The following BIRC6 variants were observed in gnomAD, a reference collection of about 807,000 sequenced individuals.
The protein encoded by BIRC6 is baculoviral IAP repeat containing 6, also known as dual E2 ubiquitin-conjugating enzyme/E3 ubiquitin-protein ligase BIRC6.
A neutral mutation model predicts 503.3 loss-of-function variants in BIRC6; 98 were observed. The ratio of observed to expected loss-of-function variants is 0.19; its 90% CI spans 0.17 to 0.23. The LOEUF is 0.23. BIRC6 is among the 10% of genes least tolerant of loss of function. The pLI is 1.00. For missense variants in BIRC6, 5,360 were observed against 5,806.0 expected (o/e 0.92, Z 2.50); for synonymous variants, 2,240 against 2,078.7 (o/e 1.08, Z -2.11).
At chr2:32,468,290 G>T in intron 28 of BIRC6, 147 bp from the exon 29 acceptor site, 1 of 922,718 alleles carries the variant, frequency 1.1e-6, no homozygotes, top group Non-Finnish European at 1.6e-6. Flanking sequence ...TTAATTAATG[G>T]GCTCCATTTA....
At chr2:32,522,693 T>C (rs535384267) in intron 57 of BIRC6, 1 of 152,326 alleles carries the variant, frequency 6.6e-6, no homozygotes, top group African/African-American at 2.4e-5. Context: ...AGGAATTCAC[T>C]AGATGTCTAA....
At chr2:32,485,539 C>G (rs2149260032) in intron 39 of BIRC6, 104 bp from the exon 40 acceptor site, 3 of 707,896 alleles carry the variant, frequency 4.2e-6, no homozygotes, top group Non-Finnish European at 7.2e-6. Context: ...TAAGAACACA[C>G]TCTTCATCCT....
In BIRC6 at chr2:32,509,874, A is replaced by G; in HGVS notation, c.10117A>G (p.Met3373Val). 1.3e-5 allele frequency: 21 copies of G among 1,614,008 alleles called. No individual in the cohort carries two copies. The highest frequency in any genetic ancestry group is 1.8e-5 in the Non-Finnish European group (21 of 1,179,890). ...AALLMSPYCGMHSPNIEVVLV... is the reference protein window; with the variant it reads ...AALLMSPYCGVHSPNIEVVLV... ...CTTATTGATGTCACCTTACTGTGGA[A>G]TGCATTCACCCAACATCGAGGTTGT... Residue 3373 changes from methionine to valine, a missense_variant, in exon 52 of 74, where the codon ATG (methionine) becomes GTG (valine). By Grantham distance (21) the Met-to-Val change is conservative (BLOSUM62 1). Coordinates refer to ENST00000421745, the MANE Select transcript of BIRC6 (RefSeq NM_016252.4).
chr2:32,409,224 A>G (rs1328183709), intron 9 of BIRC6, among the ~76,000 whole-genome samples: 2 of 151,924 alleles, frequency 1.3e-5, no homozygotes, highest in African/African-American at 4.8e-5. Flanking sequence ...AGTGGCACGG[A>G]TCTTGGCTCA....
chr2:32,469,206 G>C (rs1048045747), intron 29 of BIRC6, among the ~76,000 whole-genome samples, 189 bp from the exon 30 acceptor site: 1 of 152,152 alleles, frequency 6.6e-6, no homozygotes, highest in African/African-American at 2.4e-5. Flanking sequence ...ATTTACTTAA[G>C]TGCTAAATAT....
intron 16 of BIRC6, 44 bp from the exon 17 acceptor site, chr2:32,441,280 TTTTAG>T (rs747959428): frequency 5.4e-6 from 7 of 1,293,966 alleles, no homozygotes; most frequent in African/African-American, 3.0e-5. Context: ...GGTAAATGAT[TTTTAG>T]TTTAGTTTAT....
At chr2:32,571,630 A>T in intron 65 of BIRC6, among the ~76,000 whole-genome samples, 1 of 150,070 alleles carries the variant, frequency 6.7e-6, no homozygotes. Flanking sequence ...GTTTATTTGG[A>T]TCTTCTCTCT....
At chr2:32,471,695 C>A (rs755071277) in intron 32 of BIRC6, among the ~76,000 whole-genome samples, 10 of 151,856 alleles carry the variant, frequency 6.6e-5, no homozygotes, top group Non-Finnish European at 1.0e-4. Flanking sequence ...TTTATTTTTC[C>A]TCAGAGATTC....
chr2:32,371,284 G>C (rs2035906839), intron 1 of BIRC6, among the ~76,000 whole-genome samples: 1 of 149,772 alleles, frequency 6.7e-6, no homozygotes, highest in Non-Finnish European at 1.5e-5. Context: ...TAGGATGTTA[G>C]ACAGACTAAG....
intron 26 of BIRC6, 64 bp downstream of exon 26, chr2:32,465,228 G>C: frequency 1.6e-6 from 1 of 626,318 alleles, no homozygotes. Flanking sequence ...GCCTTTTAAA[G>C]ACTCATTATT....
intron 61 of BIRC6, among the ~76,000 whole-genome samples, chr2:32,540,172 C>A (rs2057546405): frequency 6.6e-6 from 1 of 152,058 alleles, no homozygotes. Context: ...TTTTAAGTAC[C>A]ATGGTTATGA....
chr2:32,553,335 A>T (rs1358543802), intron 65 of BIRC6, among the ~76,000 whole-genome samples: 1 of 147,400 alleles, frequency 6.8e-6, no homozygotes, highest in African/African-American at 2.5e-5. Context: ...CTTTTTGTAG[A>T]TCTTAAAATG....
chr2:32,412,264 C>T (rs2041966878), intron 9 of BIRC6, among the ~76,000 whole-genome samples: 2 of 151,846 alleles, frequency 1.3e-5, no homozygotes, highest in Non-Finnish European at 2.9e-5. Flanking sequence ...TTTGGGAGGC[C>T]GAGGTGGGCA....
chr2:32,599,045 A>AAG, intron 69 of BIRC6, among the ~76,000 whole-genome samples: 1 of 148,100 alleles, frequency 6.8e-6, no homozygotes, highest in East Asian at 2.0e-4. Context: ...AAAAAAAAAA[A>AAG]AGGCCTGGTA....
At position 32,519,123 on chromosome 2, in the gene BIRC6, A is replaced by G. The variant is rs1324967578; in HGVS notation, c.11623+177A>G. The G allele has an allele frequency of 8.2e-6, 5 of 611,208 alleles. No homozygotes were observed. In the East Asian group the frequency reaches 1.6e-4, roughly 19 times the overall value. The allele number at this position is 611,208 out of a possible 1,614,324, so 37.9% of individuals were successfully genotyped here. Reference sequence around the variant, plus strand: ...GCCAGTCAAGTGGACAAAATGTAAAATACTTTTAGGCACCCCTAATTTTTT... The same window carrying G: ...GCCAGTCAAGTGGACAAAATGTAAAGTACTTTTAGGCACCCCTAATTTTTT... On this transcript the variant is annotated intron_variant, in intron 57 of 73. Coordinates refer to ENST00000421745, the MANE Select transcript of BIRC6 (RefSeq NM_016252.4).
chr2:32,397,731 G>A (rs1236692750), intron 6 of BIRC6, among the ~76,000 whole-genome samples: 1 of 148,188 alleles, frequency 6.7e-6, no homozygotes, highest in Admixed American at 6.7e-5. Context: ...CACCATTTTA[G>A]TATATATTTT....
chr2:32,503,665 A>C (rs1429724571), intron 49 of BIRC6, among the ~76,000 whole-genome samples: 1 of 151,492 alleles, frequency 6.6e-6, no homozygotes, highest in Non-Finnish European at 1.5e-5. Context: ...CCAGTGATCC[A>C]CCTGCCTCGG....
chr2:32,448,222 CAG>C (rs2046289455), intron 21 of BIRC6, among the ~76,000 whole-genome samples: 2 of 71,482 alleles, frequency 2.8e-5, no homozygotes, highest in Admixed American at 3.0e-4. Context: ...GGCGGCCAGG[CAG>C]AGACGCTCCT....
At chr2:32,576,366 T>TA (rs1315019795) in intron 66 of BIRC6, among the ~76,000 whole-genome samples, 1 of 152,204 alleles carries the variant, frequency 6.6e-6, no homozygotes. Flanking sequence ...TTAAATAACC[T>TA]AGGAGACCTT....
Sources: allele counts gnomAD v4.1 joint callset (sites outside exome capture counted in the v4.1 genomes callset), GRCh38; gene constraint gnomAD v4.1.1; transcripts MANE v1.5; gene names NCBI Gene and HGNC (gene_info 2026-07-23, HGNC 2026-07-21).